Variants in DAB1 observed in about 807,000 individuals in gnomAD.
The protein encoded by DAB1 is disabled homolog 1.
DAB1 carries 15 observed loss-of-function variants against 64.6 expected under a neutral mutation model. That is an observed-to-expected ratio of 0.23 (90% CI 0.16 to 0.36). The LOEUF (loss-of-function observed/expected upper bound fraction) is 0.36, where lower values mean the gene tolerates loss of function less well. Ranked by LOEUF, DAB1 falls within the 10% of genes least tolerant of loss-of-function variation. DAB1 has a pLI of 1.00. For missense variants in DAB1, 596 were observed against 706.7 expected (o/e 0.84, Z 1.78); for synonymous variants, 235 against 251.9 (o/e 0.93, Z 0.64).
intron 9 of DAB1, among the ~76,000 whole-genome samples, chr1:57,043,618 G>C (rs924416535): frequency 6.6e-6 from 1 of 152,126 alleles, no homozygotes; most frequent in African/African-American, 2.4e-5. Context: ...AGGCTGAGGC[G>C]GGCGGATCAC....
chr1:57,406,655 T>C (rs552387141), intron 1 of DAB1, among the ~76,000 whole-genome samples: 1 of 152,338 alleles, frequency 6.6e-6, no homozygotes, highest in East Asian at 1.9e-4. Flanking sequence ...GCAATCTCCA[T>C]TTGACAGATC....
At chr1:57,966,703 C>A (rs905160570) in intron 5 of DAB1, among the ~76,000 whole-genome samples, 2 of 152,126 alleles carry the variant, frequency 1.3e-5, no homozygotes. Context: ...TTTTGATAAT[C>A]TAAAATTTAG....
At chr1:57,752,754 C>A (rs1292208278) in intron 6 of DAB1, among the ~76,000 whole-genome samples, 1 of 152,056 alleles carries the variant, frequency 6.6e-6, no homozygotes, top group Non-Finnish European at 1.5e-5. Context: ...GCTGTTTGAG[C>A]CTCCCCCTTA....
downstream of DAB1, among the ~76,000 whole-genome samples, chr1:57,821,799 T>G (rs2101895949): frequency 6.6e-6 from 1 of 151,994 alleles, no homozygotes; most frequent in Admixed American, 6.6e-5. Flanking sequence ...ATCGTCACCT[T>G]CTTCCATTTT....
chr1:57,146,093 A>G (rs1346462640), intron 2 of DAB1, among the ~76,000 whole-genome samples: 1 of 152,226 alleles, frequency 6.6e-6, no homozygotes, highest in Non-Finnish European at 1.5e-5. Flanking sequence ...AGACACATCA[A>G]CCAGGAGCTC....
At chr1:57,609,335 C>T (rs1394760971) in intron 7 of DAB1, among the ~76,000 whole-genome samples, 1 of 152,092 alleles carries the variant, frequency 6.6e-6, no homozygotes, top group African/African-American at 2.4e-5. Context: ...TACAACTATT[C>T]GTGTAGCGTT....
intron 9 of DAB1, among the ~76,000 whole-genome samples, chr1:57,053,574 G>C (rs866265721): frequency 6.7e-6 from 1 of 148,442 alleles, no homozygotes; most frequent in African/African-American, 2.5e-5. Flanking sequence ...GGAAATTAAT[G>C]TCAAATCCAA....
chr1:58,205,582 C>T (rs1048706197), intron 4 of DAB1, among the ~76,000 whole-genome samples: 15 of 152,342 alleles, frequency 9.8e-5, no homozygotes, highest in African/African-American at 3.6e-4. Context: ...AACTGTTTAG[C>T]TCATTGAACT....
intron 1 of DAB1, among the ~76,000 whole-genome samples, chr1:57,841,688 G>A (rs1449231146): frequency 6.6e-6 from 1 of 152,200 alleles, no homozygotes; most frequent in African/African-American, 2.4e-5. Context: ...CTGGAATGCA[G>A]GGTGCCACAT....
intron 6 of DAB1, among the ~76,000 whole-genome samples, chr1:57,795,016 A>G (rs533135786): frequency 2.5e-4 from 38 of 152,212 alleles, no homozygotes; most frequent in South Asian, 6.2e-4. Context: ...CATCCACCCA[A>G]TCAGTTGAAT....
intron 3 of DAB1, among the ~76,000 whole-genome samples, chr1:58,375,300 T>G (rs1261149749): frequency 1.4e-5 from 2 of 143,964 alleles, no homozygotes; most frequent in East Asian, 4.1e-4. Context: ...CCATTCAGTA[T>G]GATATTGGCT....
chr1:57,805,387 T>C (rs1446870721), intron 6 of DAB1, among the ~76,000 whole-genome samples: 1 of 152,236 alleles, frequency 6.6e-6, no homozygotes, highest in Non-Finnish European at 1.5e-5. Flanking sequence ...TGAGCATTTA[T>C]TGAGAGACCT....
chr1:57,941,685 A>C (rs149132716), intron 5 of DAB1, among the ~76,000 whole-genome samples: 1,776 of 152,240 alleles, frequency 0.012, 34 homozygotes, highest in African/African-American at 0.041. Flanking sequence ...AAATACAAAA[A>C]TTAGCCAGGC....
At chr1:57,563,894 C>T (rs1645084391) in intron 7 of DAB1, among the ~76,000 whole-genome samples, 1 of 152,206 alleles carries the variant, frequency 6.6e-6, no homozygotes, top group Non-Finnish European at 1.5e-5. Flanking sequence ...GGCAGAGAAA[C>T]CTCTGCAGAC....
At chr1:57,479,161 G>A (rs1012047311) in intron 7 of DAB1, among the ~76,000 whole-genome samples, 7 of 152,020 alleles carry the variant, frequency 4.6e-5, no homozygotes, top group South Asian at 4.1e-4. Context: ...TAAATAAGCT[G>A]CCTAATAAAA....
intron 4 of DAB1, among the ~76,000 whole-genome samples, chr1:58,249,854 G>A (rs1336688640): frequency 6.6e-6 from 1 of 152,212 alleles, no homozygotes; most frequent in African/African-American, 2.4e-5. Context: ...GGGCGGCTCT[G>A]TGCGGCGGCC....
chr1:58,140,871 A>G (rs1654245247), intron 5 of DAB1, among the ~76,000 whole-genome samples: 1 of 152,246 alleles, frequency 6.6e-6, no homozygotes, highest in South Asian at 2.1e-4. Context: ...AATATGAGGC[A>G]TAATAAGAAC....
chr1:58,140,814 T>A (rs1283949345), intron 5 of DAB1, among the ~76,000 whole-genome samples: 1 of 152,164 alleles, frequency 6.6e-6, no homozygotes, highest in Admixed American at 6.6e-5. Flanking sequence ...AGTAAATAAG[T>A]AAATAGATAG....
chr1:57,985,647 GA>G (rs61672026), intron 5 of DAB1, among the ~76,000 whole-genome samples: 123,974 of 149,882 alleles, frequency 0.83, 52,058 homozygotes, highest in East Asian at 0.92. Context: ...CCTCAAGAAA[GA>G]AAAAAAAAAA....
Sources: allele counts gnomAD v4.1 joint callset (sites outside exome capture counted in the v4.1 genomes callset), GRCh38; gene constraint gnomAD v4.1.1; transcripts MANE v1.5; gene names NCBI Gene and HGNC (gene_info 2026-07-23, HGNC 2026-07-21).